The following TMEM120B variants were observed in gnomAD, a reference collection of about 807,000 sequenced individuals.
TMEM120B encodes the protein transmembrane protein 120B.
Under a neutral mutation model 55.5 loss-of-function variants are expected in TMEM120B, and 31 were observed. That is an observed-to-expected ratio of 0.56 (90% CI 0.42 to 0.75). TMEM120B has a LOEUF of 0.75. TMEM120B is among the 30% of genes least tolerant of loss of function. The probability of loss-of-function intolerance (pLI) is 0.00; values close to 1 mark genes in which losing one functional copy is unlikely to be tolerated. For missense variants in TMEM120B, 399 were observed against 425.5 expected, an observed-to-expected ratio of 0.94 and a Z score of 0.55; for synonymous variants, 203 against 176.3, an observed-to-expected ratio of 1.15 and a Z score of -1.20.
At chr12:121,719,462 C>T (rs1234503584) in intron 1 of TMEM120B, among the ~76,000 whole-genome samples, 2 of 152,000 alleles carry the variant, frequency 1.3e-5, no homozygotes, top group African/African-American at 2.4e-5. Context: ...GGCGTGCACC[C>T]ATGGTCCCAC....
intron 1 of TMEM120B, among the ~76,000 whole-genome samples, chr12:121,729,113 C>T (rs1894950432): frequency 6.6e-6 from 1 of 152,150 alleles, no homozygotes; most frequent in Non-Finnish European, 1.5e-5. Flanking sequence ...GGGATGGGTA[C>T]CGCAAAAAAC....
At chr12:121,749,605 A>G (rs1873210103) in intron 3 of TMEM120B, among the ~76,000 whole-genome samples, 1 of 152,024 alleles carries the variant, frequency 6.6e-6, no homozygotes, top group Admixed American at 6.6e-5. Flanking sequence ...TTGAGCCTAG[A>G]GGTTCAAGAC....
At chr12:121,741,422 C>T (rs547859263) in intron 1 of TMEM120B, among the ~76,000 whole-genome samples, 82 of 152,230 alleles carry the variant, frequency 5.4e-4, no homozygotes, top group Non-Finnish European at 9.0e-4. Flanking sequence ...CTGTGCCTCC[C>T]GGGTTCAAGC....
intron 4 of TMEM120B, 145 bp downstream of exon 4, chr12:121,750,584 CACACCAACACCCCACCCACACCAACACCA>C: frequency 1.6e-6 from 1 of 609,568 alleles, no homozygotes; most frequent in South Asian, 1.8e-5. Flanking sequence ...ACCCACACTC[CACACCAACACCCCACCCACACCAACACCA>C]ACACCAACAC....
intron 6 of TMEM120B, among the ~76,000 whole-genome samples, chr12:121,763,026 T>C (rs1180179904): frequency 1.3e-5 from 2 of 152,002 alleles, no homozygotes; most frequent in East Asian, 3.9e-4. Context: ...TTTCTCTCAG[T>C]CTCTTTCCTG....
At chr12:121,774,952 G>A in intron 10 of TMEM120B, 110 bp from the exon 11 acceptor site, 1 of 1,241,096 alleles carries the variant, frequency 8.1e-7, no homozygotes, top group Non-Finnish European at 1.2e-6. Context: ...TGTCAGTGTT[G>A]TGGGTAGTTG....
chr12:121,755,612 G>T (rs926787363), intron 5 of TMEM120B, among the ~76,000 whole-genome samples: 1 of 152,148 alleles, frequency 6.6e-6, no homozygotes, highest in African/African-American at 2.4e-5. Context: ...GTGTGGGTTG[G>T]CCCAGAAGAG....
In TMEM120B at chr12:121,779,704, GA is replaced by G; in HGVS notation, c.*3983del. On this transcript the variant is annotated 3_prime_UTR_variant, in exon 12 of 12. Transcript: ENST00000449592. ...GCCAGCATTAGGTGAGGGGCCCCTG[GA>G]GGTCTCCTAGCACCACCTGGTGGGT... The G allele has an allele frequency of 6.2e-7, 1 of 1,608,510 alleles. No homozygotes were observed. The highest frequency in any genetic ancestry group is 8.5e-7 in the Non-Finnish European group (1 of 1,177,218).
intron 1 of TMEM120B, among the ~76,000 whole-genome samples, chr12:121,728,047 G>T (rs569565152): frequency 2.6e-5 from 4 of 151,390 alleles, no homozygotes; most frequent in South Asian, 2.1e-4. Flanking sequence ...TCACTCTGTC[G>T]CCCAGGCTAG....
At chr12:121,768,356 A>G (rs2137348675) in intron 6 of TMEM120B, among the ~76,000 whole-genome samples, 1 of 152,328 alleles carries the variant, frequency 6.6e-6, no homozygotes, top group East Asian at 1.9e-4. Flanking sequence ...AGAGCTGCAT[A>G]AAACCTTGCC....
Position 121,774,719 on chromosome 12 carries a change from C to G in TMEM120B, c.834C>G (p.Gly278=). ...TTCTCCTGCCCTTCCTCTTCTGTGG[C>G]CATGTGAGTCCCCCTGGAGTTTGTG... is the stretch of plus-strand genomic sequence containing the variant. ...LTFLLPFLFC[G]HFWQLYNAVT... is the part of the protein sequence containing the mutation. The change falls in exon 10 of 12, where the codon GGC becomes GGG. Residue 278 remains glycine (G), a synonymous_variant. Transcript: ENST00000449592. 1 of 1,613,948 alleles carries G rather than the reference C, an allele frequency of 6.2e-7. No homozygotes were observed. The highest frequency in any genetic ancestry group is 8.5e-7 in the Non-Finnish European group (1 of 1,179,904).
intron 1 of TMEM120B, among the ~76,000 whole-genome samples, chr12:121,735,403 ATT>A (rs201578509): frequency 1.0e-4 from 15 of 145,884 alleles, no homozygotes; most frequent in Middle Eastern, 3.6e-3. Context: ...ATATTACCAG[ATT>A]TTTTTTTTTT....
chr12:121,718,726 T>C (rs1894744714), intron 1 of TMEM120B, among the ~76,000 whole-genome samples: 1 of 152,202 alleles, frequency 6.6e-6, no homozygotes, highest in South Asian at 2.1e-4. Flanking sequence ...TTCATTTATA[T>C]AGTGCTTTCA....
intron 1 of TMEM120B, among the ~76,000 whole-genome samples, chr12:121,714,949 A>AAG (rs1475923991): frequency 6.6e-6 from 1 of 151,872 alleles, no homozygotes; most frequent in African/African-American, 2.4e-5. Context: ...GGAATGGGAG[A>AAG]AGAGAAGAGG....
intron 1 of TMEM120B, among the ~76,000 whole-genome samples, chr12:121,720,374 G>A (rs1187933567): frequency 2.6e-5 from 4 of 152,120 alleles, no homozygotes; most frequent in Admixed American, 6.6e-5. Context: ...TATAGTCAGC[G>A]TCTGAAAGTC....
At position 121,775,568 on chromosome 12, in the gene TMEM120B, G is replaced by A. The variant is rs377331737; in HGVS notation, c.907-41G>A. The A allele has an allele frequency of 1.2e-4, 191 of 1,589,920 alleles. 1 individual carries two copies. The African/African-American group carries it at 2.3e-3, about 19-fold the overall frequency. ...GTGCTGGGGGCAGGGGTTCAGCAGG[G>A]CAGATGCCCCAGCCTCGCCCTCCTC... On this transcript the variant is annotated intron_variant, in intron 11 of 11. Coordinates refer to ENST00000449592, the MANE Select transcript of TMEM120B (RefSeq NM_001080825.2). The surrounding 1 kb of genome is among the most constrained non-coding windows in gnomAD (Gnocchi z 4.3).
intron 2 of TMEM120B, among the ~76,000 whole-genome samples, chr12:121,744,052 CT>C (rs535863726): frequency 1.8e-3 from 249 of 138,030 alleles, no homozygotes; most frequent in Middle Eastern, 3.9e-3. Flanking sequence ...GAGTGTCTCT[CT>C]TTTTTTTTTT....
intron 4 of TMEM120B, among the ~76,000 whole-genome samples, chr12:121,750,917 ACACCCACACCTCACCCC>A (rs1873285228): frequency 2.9e-5 from 1 of 34,058 alleles, no homozygotes; most frequent in Non-Finnish European, 5.7e-5. Flanking sequence ...CCCACACCCC[ACACCCACACCTCACCCC>A]ACACCCCACA....
intron 1 of TMEM120B, among the ~76,000 whole-genome samples, chr12:121,731,885 C>G (rs1895009969): frequency 6.6e-6 from 1 of 152,076 alleles, no homozygotes; most frequent in South Asian, 2.1e-4. Flanking sequence ...GCCTGTAATC[C>G]CAGTACTTTG....
Sources: allele counts gnomAD v4.1 joint callset (sites outside exome capture counted in the v4.1 genomes callset), GRCh38; gene constraint gnomAD v4.1.1; non-coding constraint Gnocchi (gnomAD v3.1); transcripts MANE v1.5; gene names NCBI Gene and HGNC (gene_info 2026-07-23, HGNC 2026-07-21).